The following ITSN2 variants were observed in gnomAD, a reference collection of about 807,000 sequenced individuals.
ITSN2 encodes intersectin 2.
In ITSN2, 156 loss-of-function variants were observed where a neutral mutation model predicts 243.7. That is an observed-to-expected ratio of 0.64 (90% CI 0.56 to 0.73). The LOEUF is 0.73. Among genes scored for constraint, ITSN2 ranks in the 30% least tolerant of loss-of-function variants. ITSN2 has a pLI of 0.00. For missense variants in ITSN2, 1,801 were observed against 1,996.1 expected (o/e 0.90, Z 1.86); for synonymous variants, 703 against 699.9 (o/e 1.00, Z -0.07).
chr2:24,220,739 T>C (rs1670365471), intron 30 of ITSN2: 2 of 1,376,832 alleles, frequency 1.5e-6, no homozygotes, highest in Non-Finnish European at 1.9e-6. Context: ...AAAGAGCTCA[T>C]TAGAGACTTT....
At chr2:24,309,029 G>A (rs969795497) in intron 7 of ITSN2, 1 of 356,016 alleles carries the variant, frequency 2.8e-6, no homozygotes. Context: ...AGGGACCTAG[G>A]TTGGATGCTC....
At chr2:24,220,711 A>G (rs1179601876) in intron 30 of ITSN2, 34 of 1,325,566 alleles carry the variant, frequency 2.6e-5, no homozygotes, top group Non-Finnish European at 3.2e-5. Flanking sequence ...CTTCACTCTG[A>G]GTGACCTCAT....
intron 18 of ITSN2, 134 bp downstream of exon 18, chr2:24,275,579 C>T (rs1677908712): frequency 3.4e-6 from 2 of 580,122 alleles, no homozygotes; most frequent in African/African-American, 3.9e-5. Context: ...CCTAAAAGGA[C>T]TGAACTTATG....
At chr2:24,221,640 A>T (rs1670460643) in intron 29 of ITSN2, 1 of 152,316 alleles carries the variant, frequency 6.6e-6, no homozygotes, top group African/African-American at 2.4e-5. Flanking sequence ...TCTTAAAGGA[A>T]AGTTCTAAGG....
chr2:24,243,197 G>A (rs1672941762), intron 29 of ITSN2, among the ~76,000 whole-genome samples: 1 of 152,034 alleles, frequency 6.6e-6, no homozygotes, highest in South Asian at 2.1e-4. Flanking sequence ...AATATTCATT[G>A]CAGCAATTGT....
chr2:24,348,415 C>T (rs1342779430), intron 1 of ITSN2, among the ~76,000 whole-genome samples: 1 of 151,986 alleles, frequency 6.6e-6, no homozygotes, highest in East Asian at 1.9e-4. Flanking sequence ...GTCTCGAACT[C>T]CTGACCTCAA....
chr2:24,335,127 G>C (rs1253325918), intron 1 of ITSN2: 1 of 214,466 alleles, frequency 4.7e-6, no homozygotes, highest in African/African-American at 2.5e-5. Flanking sequence ...AGAGATAAGA[G>C]AAAGGGCCAA....
At chr2:24,353,379 C>G (rs894088207) in intron 1 of ITSN2, among the ~76,000 whole-genome samples, 4 of 152,118 alleles carry the variant, frequency 2.6e-5, no homozygotes, top group Admixed American at 6.5e-5. Flanking sequence ...GGCGAATCGT[C>G]TGAACTCAGG....
intron 4 of ITSN2, among the ~76,000 whole-genome samples, 177 bp from the exon 5 acceptor site, chr2:24,312,552 T>C (rs920804252): frequency 3.3e-5 from 5 of 152,190 alleles, no homozygotes; most frequent in African/African-American, 4.8e-5. Context: ...ACCTACACTT[T>C]AAGAAATACT....
At position 24,203,183 on chromosome 2, in the gene ITSN2, G is replaced by A. The variant is rs1384465826; in HGVS notation, c.*443C>T. On this transcript the variant is annotated 3_prime_UTR_variant, in exon 40 of 40. Transcript: ENST00000355123. ...AGTATCAGGCCGCGCCAAGTGTCGA[G>A]GCTGCAGCCTCTCATCCTGACCCTT... 1 of 156,310 alleles carries A rather than the reference G, an allele frequency of 6.4e-6. No homozygotes were observed. Among genetic ancestry groups the A allele is most frequent in the Non-Finnish European group, 1.4e-5 (1 of 70,380 alleles). The allele number at this position is 156,310 out of a possible 1,614,324, so 9.7% of individuals were successfully genotyped here.
chr2:24,246,192 C>G lies in ITSN2; in HGVS notation c.3514G>C (p.Val1172Leu), dbSNP rs561453795. The G allele has an allele frequency of 2.0e-5, 32 of 1,613,358 alleles. No individual in the cohort carries two copies. In the African/African-American group the frequency reaches 4.1e-4, roughly 21 times the overall value. The change falls in exon 29 of 40, where the codon GTG (valine) becomes CTG (leucine). Residue 1172 changes from valine to leucine, a missense_variant. By Grantham distance (32) the Val-to-Leu change is conservative. Coordinates refer to ENST00000355123, the MANE Select transcript of ITSN2 (RefSeq NM_006277.3). ...TAGTTTGAAGGAAAGAGACCAGTCA[C>G]CCCGTTGATCTCTCCTTGCCACCAA... ...PDWWQGEING[V>L]TGLFPSNYVK...
At position 24,260,903 on chromosome 2, in the gene ITSN2, C is replaced by CA. The variant is rs34385491; in HGVS notation, c.2682+202dup. On this transcript the variant is annotated intron_variant, in intron 22 of 39. Coordinates refer to ENST00000355123, the MANE Select transcript of ITSN2 (RefSeq NM_006277.3). The stretch of plus-strand genomic sequence containing the variant: ...TGGGCAACAGAGTGAGGCTCCGTCT[C>CA]AAAAAAAAAAAAAAAAAAATTGTTG... Among the ~76,000 whole-genome samples the CA allele has an allele frequency of 0.15, 17,592 of 117,666 alleles. 2,158 individuals are homozygous for CA. Among genetic ancestry groups the CA allele is most frequent in the African/African-American group, 0.32 (9,955 of 31,214 alleles). The allele number at this position is 117,666 out of a possible 152,430, so 77.2% of individuals were successfully genotyped here. A position where few individuals can be genotyped will look rare whatever the true frequency, so the allele number is the denominator to read the frequency against.
chr2:24,301,202 G>C lies in ITSN2; in HGVS notation c.1033C>G (p.Pro345Ala). 6.2e-7 allele frequency: 1 copy of C among 1,608,076 alleles called. No individual in the cohort carries two copies. The highest frequency in any genetic ancestry group is 8.5e-7 in the Non-Finnish European group (1 of 1,176,370). ...TCTTCTTGCATTTTCTGATATGAAGGCAGAGTTCCATTAATGGAATCAATT... is the reference window on the plus strand; with the variant it reads ...TCTTCTTGCATTTTCTGATATGAAGCCAGAGTTCCATTAATGGAATCAATT... ...KQIDSINGTL[P>A]SYQKMQEEEP... The change falls in exon 11 of 40, where the codon CCT becomes GCT. Residue 345 changes from proline to alanine, a missense_variant. Pro to Ala is a conservative substitution (Grantham distance 27). Transcript: ENST00000355123.
At chr2:24,337,258 C>CAGGCGTGT (rs1472017497) in intron 1 of ITSN2, among the ~76,000 whole-genome samples, 2 of 115,922 alleles carry the variant, frequency 1.7e-5, no homozygotes, top group African/African-American at 6.9e-5. Flanking sequence ...CATGTTCCTG[C>CAGGCGTGT]AGGCGTGTGT....
chr2:24,290,536 TAA>T (rs1331981953), intron 15 of ITSN2, among the ~76,000 whole-genome samples: 1 of 152,222 alleles, frequency 6.6e-6, no homozygotes, highest in African/African-American at 2.4e-5. Context: ...ATGTATTGTT[TAA>T]AGAGACCTTC....
chr2:24,344,693 T>G (rs888069900), intron 1 of ITSN2, among the ~76,000 whole-genome samples: 1 of 152,222 alleles, frequency 6.6e-6, no homozygotes. Flanking sequence ...GGCTCACGCC[T>G]GTAATCCCAG....
chr2:24,318,898 G>A (rs1684234984), intron 2 of ITSN2, among the ~76,000 whole-genome samples: 1 of 152,180 alleles, frequency 6.6e-6, no homozygotes, highest in African/African-American at 2.4e-5. Flanking sequence ...ACTACCACCT[G>A]AGCGGCACCT....
intron 3 of ITSN2, among the ~76,000 whole-genome samples, chr2:24,313,938 T>C (rs1683585830): frequency 6.6e-6 from 1 of 152,236 alleles, no homozygotes; most frequent in Admixed American, 6.5e-5. Flanking sequence ...ATACCAATAA[T>C]GTAAGACCCT....
At chr2:24,282,062 A>G (rs1678853482) in intron 17 of ITSN2, among the ~76,000 whole-genome samples, 1 of 152,210 alleles carries the variant, frequency 6.6e-6, no homozygotes, top group Non-Finnish European at 1.5e-5. Flanking sequence ...ATGCCCATGA[A>G]CCTAGGTGAG....
Sources: allele counts gnomAD v4.1 joint callset (sites outside exome capture counted in the v4.1 genomes callset), GRCh38; gene constraint gnomAD v4.1.1; transcripts MANE v1.5; gene names NCBI Gene and HGNC (gene_info 2026-07-23, HGNC 2026-07-21).